Variants in DPYD observed in about 807,000 individuals in gnomAD.
DPYD encodes dihydropyrimidine dehydrogenase [NADP(+)].
In DPYD, 109 loss-of-function variants were observed where a neutral mutation model predicts 116.2. That is an observed-to-expected ratio of 0.94 (90% CI 0.80 to 1.10). The LOEUF is 1.10. Among genes scored for constraint, DPYD ranks in the 50% least tolerant of loss-of-function variants. The pLI is 0.00. For synonymous variants in DPYD, 440 were observed against 432.0 expected, an observed-to-expected ratio of 1.02 and a Z score of -0.23; for missense variants, 1,302 against 1,254.5, an observed-to-expected ratio of 1.04 and a Z score of -0.57.
chr1:97,283,851 T>G (rs909613264), intron 18 of DPYD, among the ~76,000 whole-genome samples: 2 of 152,134 alleles, frequency 1.3e-5, no homozygotes, highest in Admixed American at 1.3e-4. Flanking sequence ...GAACACTGGG[T>G]CCAAGAGTAT....
At chr1:97,545,865 T>C in intron 12 of DPYD, 3 of 1,080,094 alleles carry the variant, frequency 2.8e-6, no homozygotes, top group South Asian at 2.5e-5. Flanking sequence ...AGGACAATCT[T>C]AGACAGGTTT....
intron 3 of DPYD, among the ~76,000 whole-genome samples, chr1:97,764,750 C>T (rs759498025): frequency 5.9e-5 from 9 of 151,956 alleles, no homozygotes; most frequent in Non-Finnish European, 1.0e-4. Flanking sequence ...CCATATTTTA[C>T]GTACCATATT....
chr1:97,593,158 G>A, intron 10 of DPYD, 60 bp downstream of exon 10: 1 of 1,579,036 alleles, frequency 6.3e-7, no homozygotes, highest in Non-Finnish European at 8.7e-7. Context: ...AACATTAACA[G>A]TTTCATCTCC....
At chr1:97,905,351 T>C (rs1673556859) in intron 1 of DPYD, among the ~76,000 whole-genome samples, 1 of 152,030 alleles carries the variant, frequency 6.6e-6, no homozygotes, top group Non-Finnish European at 1.5e-5. Flanking sequence ...TTCTTGACAA[T>C]GACATCATTA....
intron 16 of DPYD, 22 bp downstream of exon 16, chr1:97,373,539 T>C (rs369224245): frequency 4.4e-6 from 7 of 1,604,354 alleles, no homozygotes; most frequent in South Asian, 3.3e-5. Flanking sequence ...ACATACTTAG[T>C]GGCAGCTGTC....
intron 2 of DPYD, among the ~76,000 whole-genome samples, chr1:97,863,119 T>G (rs967355680): frequency 1.3e-5 from 2 of 151,918 alleles, no homozygotes. Context: ...AATAATGATA[T>G]TAATCATTAG....
At chr1:97,652,236 T>C (rs1042824788) in intron 8 of DPYD, among the ~76,000 whole-genome samples, 29 of 152,184 alleles carry the variant, frequency 1.9e-4, no homozygotes, top group African/African-American at 6.8e-4. Context: ...GAAATCACTT[T>C]CATTTTCTCT....
chr1:97,235,103 A>C, intron 18 of DPYD, 109 bp from the exon 19 acceptor site: 2 of 1,289,564 alleles, frequency 1.6e-6, no homozygotes, highest in Non-Finnish European at 2.2e-6. Context: ...GACAAATTTC[A>C]AATTACTTTA....
intron 7 of DPYD, among the ~76,000 whole-genome samples, chr1:97,686,748 T>G (rs1184247609): frequency 6.6e-6 from 1 of 151,148 alleles, no homozygotes; most frequent in Admixed American, 6.6e-5. Flanking sequence ...GGGCAAAGAT[T>G]TCATCATGAA....
intron 2 of DPYD, among the ~76,000 whole-genome samples, chr1:97,863,473 C>T (rs532524877): frequency 2.0e-5 from 3 of 151,802 alleles, no homozygotes; most frequent in African/African-American, 4.8e-5. Context: ...GAGAGGTTTA[C>T]GGTCACATGA....
At chr1:97,704,762 G>A (rs747451120) in intron 5 of DPYD, among the ~76,000 whole-genome samples, 1 of 151,144 alleles carries the variant, frequency 6.6e-6, no homozygotes, top group African/African-American at 2.4e-5. Flanking sequence ...TCTTTTTTTC[G>A]TTAAAGCAAA....
At chr1:97,530,508 C>T (rs533745445) in intron 12 of DPYD, among the ~76,000 whole-genome samples, 54 of 152,220 alleles carry the variant, frequency 3.5e-4, no homozygotes, top group African/African-American at 1.3e-3. Flanking sequence ...TGAGCCACCG[C>T]GCCTGGCCAT....
At chr1:97,691,305 A>G (rs1660996945) in intron 7 of DPYD, 1 of 171,354 alleles carries the variant, frequency 5.8e-6, no homozygotes. Flanking sequence ...CACTACTGAC[A>G]TGATGAATAT....
At chr1:97,220,087 A>G (rs2101890522) in intron 19 of DPYD, among the ~76,000 whole-genome samples, 1 of 152,222 alleles carries the variant, frequency 6.6e-6, no homozygotes, top group Non-Finnish European at 1.5e-5. Context: ...TGTCCCCTCC[A>G]AAACTCATGT....
chr1:97,101,550 A>C (rs1650691740), intron 20 of DPYD, among the ~76,000 whole-genome samples: 1 of 151,506 alleles, frequency 6.6e-6, no homozygotes, highest in Non-Finnish European at 1.5e-5. Flanking sequence ...GTGAAGATGA[A>C]TGCATAGTTG....
At chr1:97,747,845 G>A (rs1472359453) in intron 3 of DPYD, among the ~76,000 whole-genome samples, 1 of 152,114 alleles carries the variant, frequency 6.6e-6, no homozygotes. Flanking sequence ...TAACACATTA[G>A]GCAAAGGACT....
intron 14 of DPYD, among the ~76,000 whole-genome samples, chr1:97,407,254 A>G (rs1557691379): frequency 6.6e-6 from 1 of 152,210 alleles, no homozygotes; most frequent in South Asian, 2.1e-4. Context: ...TACATTTTCC[A>G]AAACCATACA....
chr1:97,267,982 C>A (rs1664342000), intron 18 of DPYD, among the ~76,000 whole-genome samples: 1 of 152,082 alleles, frequency 6.6e-6, no homozygotes, highest in South Asian at 2.1e-4. Context: ...GGAAATCGAA[C>A]AAGTTATCTA....
intron 18 of DPYD, among the ~76,000 whole-genome samples, chr1:97,261,508 TTTTTTTTTA>T (rs1317999048): frequency 3.4e-5 from 3 of 89,158 alleles, no homozygotes; most frequent in East Asian, 2.9e-4. Flanking sequence ...TTTTTTTTTT[TTTTTTTTTA>T]AAAAAGAACG....
Sources: allele counts gnomAD v4.1 joint callset (sites outside exome capture counted in the v4.1 genomes callset), GRCh38; gene constraint gnomAD v4.1.1; transcripts MANE v1.5; gene names NCBI Gene and HGNC (gene_info 2026-07-23, HGNC 2026-07-21).